Variants in MAP3K14 observed in about 807,000 individuals in gnomAD.
The protein encoded by MAP3K14 is mitogen-activated protein kinase kinase kinase 14.
A neutral mutation model predicts 99.2 loss-of-function variants in MAP3K14; 16 were observed. The observed-to-expected ratio is 0.16, with a 90% CI of 0.11 to 0.24. The LOEUF (loss-of-function observed/expected upper bound fraction) is 0.24. Among genes scored for constraint, MAP3K14 ranks in the 10% least tolerant of loss-of-function variants. The probability of loss-of-function intolerance (pLI) is 1.00; values close to 1 mark genes in which losing one functional copy is unlikely to be tolerated. For synonymous variants in MAP3K14, 462 were observed against 492.4 expected, an observed-to-expected ratio of 0.94 and a Z score of 0.82; for missense variants, 784 against 1,208.7, an observed-to-expected ratio of 0.65 and a Z score of 5.21.
intron 6 of MAP3K14, among the ~76,000 whole-genome samples, chr17:45,278,728 G>C (rs2044197998): frequency 6.6e-6 from 1 of 151,380 alleles, no homozygotes; most frequent in East Asian, 1.9e-4. Context: ...GGCCAGGCTG[G>C]AGTGCAGTGG....
chr17:45,284,319 C>T (rs1217418112), intron 6 of MAP3K14, among the ~76,000 whole-genome samples: 1 of 152,244 alleles, frequency 6.6e-6, no homozygotes, highest in Non-Finnish European at 1.5e-5. Flanking sequence ...TCTTGCAGGA[C>T]TGTGGCACGC....
chr17:45,309,496 G>A (rs1159554415), intron 1 of MAP3K14, among the ~76,000 whole-genome samples: 1 of 152,192 alleles, frequency 6.6e-6, no homozygotes, highest in African/African-American at 2.4e-5. Context: ...ATTGTGTTTG[G>A]TTTTCTAGCA....
intron 6 of MAP3K14, among the ~76,000 whole-genome samples, chr17:45,284,013 G>A (rs2044243804): frequency 6.6e-6 from 1 of 152,172 alleles, no homozygotes; most frequent in African/African-American, 2.4e-5. Context: ...TGCTCCCTCT[G>A]GGCCCGGATA....
intron 1 of MAP3K14, among the ~76,000 whole-genome samples, chr17:45,293,638 T>G (rs999017327): frequency 6.6e-6 from 1 of 152,168 alleles, no homozygotes; most frequent in Non-Finnish European, 1.5e-5. Flanking sequence ...AGGCTGACCC[T>G]CACCTCTCAG....
rs1358629598 is a variant in MAP3K14, at chr17:45,286,317, A to G, written c.1152+114T>C. The G allele has an allele frequency of 2.4e-6, 3 of 1,230,210 alleles. No individual in the cohort carries two copies. The highest frequency in any genetic ancestry group is 2.2e-6 in the Non-Finnish European group (2 of 899,924). The allele number at this position is 1,230,210 out of a possible 1,614,324, so 76.2% of individuals were successfully genotyped here. The stretch of plus-strand genomic sequence containing the variant: ...ATGATACTTTTCATCCACAATGAGC[A>G]CTGTCCTACTGTTTGATTTGTCACC... On this transcript the variant is annotated intron_variant, in intron 5 of 15. Coordinates refer to ENST00000344686, the MANE Select transcript of MAP3K14 (RefSeq NM_003954.5). This position sits in a 1 kb window ranked among gnomAD's most constrained non-coding sequence, Gnocchi z 4.1.
intron 11 of MAP3K14, among the ~76,000 whole-genome samples, chr17:45,269,529 A>G (rs1265652454): frequency 6.6e-6 from 1 of 152,166 alleles, no homozygotes; most frequent in Non-Finnish European, 1.5e-5. Flanking sequence ...GCTGGTCATC[A>G]GAGAGACATA....
intron 3 of MAP3K14, among the ~76,000 whole-genome samples, chr17:45,288,481 G>A (rs1345195894): frequency 4.0e-5 from 6 of 151,160 alleles, no homozygotes; most frequent in African/African-American, 7.3e-5. Context: ...GGATTCAAGC[G>A]ATTCTCCTGC....
chr17:45,275,495 C>CA (rs983626073), intron 6 of MAP3K14, among the ~76,000 whole-genome samples: 22 of 79,284 alleles, frequency 2.8e-4, no homozygotes, highest in Admixed American at 7.1e-4. Flanking sequence ...AAAAAAAAAA[C>CA]AAAAAAAAAC....
chr17:45,265,308 C>T, intron 14 of MAP3K14, 45 bp from the exon 15 acceptor site: 1 of 1,318,952 alleles, frequency 7.6e-7, no homozygotes, highest in Non-Finnish European at 1.1e-6. Context: ...GCTGCTGGCT[C>T]CCCAAGGACC....
rs2044303011 is a variant in MAP3K14, at chr17:45,290,647, C to T, written c.99G>A (p.Gly33=). 1 of 1,613,604 alleles carries T rather than the reference C, an allele frequency of 6.2e-7. No individual in the cohort carries two copies. Among genetic ancestry groups the T allele is most frequent in the Non-Finnish European group, 8.5e-7 (1 of 1,179,822 alleles). The change falls in exon 2 of 16, where the codon GGG becomes GGA. Residue 33 remains glycine (G), a synonymous_variant. Coordinates refer to ENST00000344686, the MANE Select transcript of MAP3K14 (RefSeq NM_003954.5). ...GCTTGTAGACGGAGCTCTGTTTCTT[C>T]CCCAGTGGCGGCGTCTTCTCCTTGG... ...PKAKEKTPPL[G]KKQSSVYKLE... is the part of the protein sequence containing the mutation.
Position 45,310,521 on chromosome 17 carries a change from C to T in MAP3K14, c.-21+6439G>A, listed in dbSNP as rs57525868. ...AGATTTTGGCTACAATAATTCTTTG[C>T]ACTTACAGGGGCCACCATCCAGATA... is the stretch of plus-strand genomic sequence containing the variant. On this transcript the variant is annotated intron_variant, in intron 1 of 15. Coordinates refer to ENST00000344686, the MANE Select transcript of MAP3K14 (RefSeq NM_003954.5). 1.3e-3 allele frequency among the ~76,000 whole-genome samples: 191 copies of T among 152,254 alleles called. 4 individuals carry two copies. The East Asian group carries it at 0.032, about 26-fold the overall frequency.
intron 1 of MAP3K14, among the ~76,000 whole-genome samples, chr17:45,292,620 A>C (rs1234713518): frequency 6.6e-6 from 1 of 152,124 alleles, no homozygotes; most frequent in Non-Finnish European, 1.5e-5. Context: ...AAAGCCCTTC[A>C]AGGCTGGCTA....
chr17:45,298,381 A>T (rs2044361533), intron 1 of MAP3K14, among the ~76,000 whole-genome samples: 1 of 152,240 alleles, frequency 6.6e-6, no homozygotes, highest in Admixed American at 6.5e-5. Flanking sequence ...TAACCACAGT[A>T]CATGTGAGTA....
At chr17:45,306,545 T>C (rs767654450) in intron 1 of MAP3K14, among the ~76,000 whole-genome samples, 9 of 152,156 alleles carry the variant, frequency 5.9e-5, no homozygotes, top group Non-Finnish European at 1.2e-4. Flanking sequence ...AGGCCTGACA[T>C]AGCCAGGCCC....
At position 45,292,427 on chromosome 17, in the gene MAP3K14, G is replaced by A. The variant is rs141423575; in HGVS notation, c.-20-1662C>T. Among the ~76,000 whole-genome samples, 33 of 152,200 alleles carry A rather than the reference G, an allele frequency of 2.2e-4. No homozygotes were observed. The East Asian group carries it at 5.2e-3, about 24-fold the overall frequency. ...AAAAAAATACAAAAAATTAGCTGGG[G>A]TAGCTGGCCTGTAGTCCCAGCTACT... On this transcript the variant is annotated intron_variant, in intron 1 of 15. Coordinates refer to ENST00000344686, the MANE Select transcript of MAP3K14 (RefSeq NM_003954.5).
intron 6 of MAP3K14, among the ~76,000 whole-genome samples, chr17:45,280,896 C>A (rs543275348): frequency 2.2e-4 from 34 of 152,188 alleles, no homozygotes; most frequent in Non-Finnish European, 4.7e-4. Context: ...CAGGCGTGAG[C>A]TACTGCGCCT....
rs549733803 is a variant in MAP3K14 at position 45,309,625 on chromosome 17, G to A, written c.-21+7335C>T. Among the ~76,000 whole-genome samples, 14 of 152,274 alleles carry A rather than the reference G, an allele frequency of 9.2e-5. No individual in the cohort carries two copies. In the South Asian group the frequency reaches 1.5e-3, roughly 16 times the overall value. Reference sequence around the variant, plus strand: ...TGAGAGCCTGGCTGGACAGGGACACGTGTCCACACTGTCCAATCACCTGGC... The same window carrying A: ...TGAGAGCCTGGCTGGACAGGGACACATGTCCACACTGTCCAATCACCTGGC... On this transcript the variant is annotated intron_variant, in intron 1 of 15. Transcript: ENST00000344686.
intron 9 of MAP3K14, among the ~76,000 whole-genome samples, 174 bp downstream of exon 9, chr17:45,273,329 A>G (rs2044154098): frequency 6.6e-6 from 1 of 152,156 alleles, no homozygotes; most frequent in African/African-American, 2.4e-5. Context: ...CCTGACATCT[A>G]TTATCACATT....
chr17:45,304,010 CTTTTTTTTTTT>C (rs1026894731), intron 1 of MAP3K14, among the ~76,000 whole-genome samples: 2 of 127,738 alleles, frequency 1.6e-5, no homozygotes, highest in Non-Finnish European at 1.7e-5. Flanking sequence ...CTTTTCTTTT[CTTTTTTTTTTT>C]TTTTTTTTTG....
Sources: gnomAD v4.1 joint callset for allele counts (sites outside exome capture counted in the v4.1 genomes callset) on GRCh38, gnomAD v4.1.1 for gene constraint, Gnocchi (gnomAD v3.1) non-coding constraint, MANE v1.5 for transcripts, NCBI Gene and HGNC (gene_info 2026-07-23, HGNC 2026-07-21) for gene names.